FAT3: variants seen among roughly 807,000 people sequenced by gnomAD.
The protein encoded by FAT3 is protocadherin Fat 3.
FAT3 carries 95 observed loss-of-function variants against 310.2 expected under a neutral mutation model. The ratio of observed to expected loss-of-function variants is 0.31; its 90% CI spans 0.26 to 0.36. FAT3 has a LOEUF of 0.36. FAT3 is among the 10% of genes least tolerant of loss of function. The pLI is 1.00. For synonymous variants in FAT3, 2,314 were observed against 2,192.9 expected (o/e 1.06, Z -1.54); for missense variants, 5,408 against 5,715.6 (o/e 0.95, Z 1.74).
chr11:92,446,053 A>T (rs1161744005), intron 2 of FAT3, among the ~76,000 whole-genome samples: 1 of 151,958 alleles, frequency 6.6e-6, no homozygotes, highest in African/African-American at 2.4e-5. Flanking sequence ...TCCATGGGGA[A>T]TTTATCTGTC....
intron 3 of FAT3, among the ~76,000 whole-genome samples, chr11:92,631,930 G>A (rs1941573591): frequency 6.6e-6 from 1 of 152,076 alleles, no homozygotes; most frequent in South Asian, 2.1e-4. Context: ...CCTCTGTAAA[G>A]CTGCCAGCTT....
At chr11:92,254,987 TG>T (rs1449225558) in intron 1 of FAT3, among the ~76,000 whole-genome samples, 12 of 152,192 alleles carry the variant, frequency 7.9e-5, no homozygotes, top group African/African-American at 2.4e-4. Flanking sequence ...ATTACAGGTG[TG>T]AGCCACCTCA....
At chr11:92,395,625 C>T (rs1291520366) in intron 2 of FAT3, among the ~76,000 whole-genome samples, 2 of 151,412 alleles carry the variant, frequency 1.3e-5, no homozygotes, top group African/African-American at 4.9e-5. Flanking sequence ...GTCACCCAGG[C>T]CAGAGTGCAG....
chr11:92,482,345 G>A (rs1268762611), intron 2 of FAT3, among the ~76,000 whole-genome samples: 1 of 152,100 alleles, frequency 6.6e-6, no homozygotes, highest in African/African-American at 2.4e-5. Flanking sequence ...TAACTCTTGG[G>A]TCCTTATCAC....
At position 92,234,834 on chromosome 11, in the gene FAT3, G is replaced by A. The variant is rs1175592804; in HGVS notation, c.-18+9660G>A. 3.3e-5 allele frequency among the ~76,000 whole-genome samples: 5 copies of A among 151,432 alleles called. No homozygotes were observed. In the East Asian group the frequency reaches 7.8e-4, roughly 24 times the overall value. ...GGAGAATCTCTTGAACCCAGGAGAC[G>A]GAGGTTGCAATGAGCCGAGATTGTG... On this transcript the variant is annotated intron_variant, in intron 1 of 27. Transcript: ENST00000525166.
chr11:92,596,930 T>C (rs1348534297), intron 3 of FAT3, among the ~76,000 whole-genome samples: 1 of 152,174 alleles, frequency 6.6e-6, no homozygotes, highest in Non-Finnish European at 1.5e-5. Context: ...CTTTCTAGTT[T>C]AACTCTTCTT....
chr11:92,481,812 G>A (rs138075884), intron 2 of FAT3, among the ~76,000 whole-genome samples: 133 of 152,130 alleles, frequency 8.7e-4, no homozygotes, highest in African/African-American at 3.0e-3. Context: ...AAGACTATTC[G>A]GAATAAGTTT....
intron 2 of FAT3, among the ~76,000 whole-genome samples, chr11:92,385,412 G>C (rs1403702520): frequency 2.0e-5 from 3 of 152,112 alleles, no homozygotes; most frequent in Admixed American, 6.5e-5. Context: ...CTGTTGCCCA[G>C]GCTGGGGTGC....
intron 1 of FAT3, among the ~76,000 whole-genome samples, chr11:92,241,788 T>TA (rs931305980): frequency 6.6e-5 from 10 of 151,864 alleles, no homozygotes; most frequent in Admixed American, 1.3e-4. Flanking sequence ...AAAGTAAAAT[T>TA]AAAAAAAATC....
At chr11:92,429,029 C>T (rs1950703557) in intron 2 of FAT3, among the ~76,000 whole-genome samples, 1 of 152,122 alleles carries the variant, frequency 6.6e-6, no homozygotes. Flanking sequence ...CTTTGTAGGT[C>T]TCTAAGAACT....
intron 15 of FAT3, among the ~76,000 whole-genome samples, chr11:92,835,932 C>T (rs1220776999): frequency 1.3e-5 from 2 of 152,182 alleles, no homozygotes; most frequent in Non-Finnish European, 2.9e-5. Context: ...CCTTCCCCAT[C>T]CCTTGGCTGG....
chr11:92,428,327 A>G (rs1435816599), intron 2 of FAT3, among the ~76,000 whole-genome samples: 1 of 150,280 alleles, frequency 6.7e-6, no homozygotes, highest in Non-Finnish European at 1.5e-5. Flanking sequence ...AAAAAAAAAA[A>G]CAGCCCTTGG....
chr11:92,615,411 T>C (rs907091059), intron 3 of FAT3, among the ~76,000 whole-genome samples: 20 of 152,052 alleles, frequency 1.3e-4, no homozygotes, highest in Middle Eastern at 3.2e-3. Flanking sequence ...CACGCCTGGC[T>C]AATTTTTGTA....
At chr11:92,269,071 C>A (rs1946046910) in intron 1 of FAT3, among the ~76,000 whole-genome samples, 1 of 152,104 alleles carries the variant, frequency 6.6e-6, no homozygotes, top group Non-Finnish European at 1.5e-5. Flanking sequence ...TATCACATAT[C>A]TCAAATTGCC....
At chr11:92,518,298 G>A (rs1218270197) in intron 2 of FAT3, among the ~76,000 whole-genome samples, 5 of 152,084 alleles carry the variant, frequency 3.3e-5, no homozygotes, top group African/African-American at 9.6e-5. Context: ...GTTAAAGAAC[G>A]TGTGACACAT....
chr11:92,780,094 G>A (rs1293911880), intron 7 of FAT3, among the ~76,000 whole-genome samples: 3 of 151,500 alleles, frequency 2.0e-5, no homozygotes, highest in African/African-American at 7.3e-5. Flanking sequence ...TCGGCCTTGA[G>A]TCCTCACCTA....
intron 4 of FAT3, among the ~76,000 whole-genome samples, chr11:92,720,979 C>A (rs1944843158): frequency 6.6e-6 from 1 of 152,116 alleles, no homozygotes; most frequent in Non-Finnish European, 1.5e-5. Flanking sequence ...GGTACATGTG[C>A]AGGATGTTAC....
At chr11:92,283,722 C>G (rs1297627756) in intron 1 of FAT3, among the ~76,000 whole-genome samples, 1 of 152,064 alleles carries the variant, frequency 6.6e-6, no homozygotes, top group Admixed American at 6.6e-5. Flanking sequence ...TTAAAGTGGC[C>G]CGTGCATAAA....
chr11:92,817,840 G>T (rs925533146), intron 13 of FAT3, among the ~76,000 whole-genome samples: 12 of 152,186 alleles, frequency 7.9e-5, no homozygotes, highest in African/African-American at 2.4e-4. Flanking sequence ...TGGTTTTCCT[G>T]CCTCTTCTGA....
Sources: allele counts gnomAD v4.1 joint callset (sites outside exome capture counted in the v4.1 genomes callset), GRCh38; gene constraint gnomAD v4.1.1; transcripts MANE v1.5; gene names NCBI Gene and HGNC (gene_info 2026-07-23, HGNC 2026-07-21).